Variants in LINGO2 observed in about 807,000 individuals in gnomAD.
LINGO2 encodes leucine rich repeat and Ig domain containing 2.
In LINGO2, 14 loss-of-function variants were observed where a neutral mutation model predicts 30.6. That is an observed-to-expected ratio of 0.46 (90% CI 0.30 to 0.72). The LOEUF is 0.72. Ranked by LOEUF, LINGO2 falls within the 30% of genes least tolerant of loss-of-function variation. LINGO2 has a pLI of 0.07. For synonymous variants in LINGO2, 317 were observed against 288.5 expected (o/e 1.10, Z -1.00); for missense variants, 729 against 751.7 (o/e 0.97, Z 0.35).
At chr9:28,805,692 C>A in the LINGO2 span, among the ~76,000 whole-genome samples, 2 of 152,104 alleles carry the variant, frequency 1.3e-5, no homozygotes, top group Non-Finnish European at 2.9e-5. Context: ...CTGGAAACTG[C>A]ATATCTCTAA....
intron 4 of LINGO2, among the ~76,000 whole-genome samples, chr9:28,103,365 G>T (rs1296693245): frequency 2.0e-5 from 3 of 152,064 alleles, no homozygotes; most frequent in Admixed American, 6.6e-5. Flanking sequence ...GAACTGGTTG[G>T]TCCATGGCTT....
chr9:28,158,729 C>T (rs976523603), intron 4 of LINGO2, among the ~76,000 whole-genome samples: 2 of 152,250 alleles, frequency 1.3e-5, no homozygotes, highest in Middle Eastern at 3.4e-3. Flanking sequence ...CCACTTAGTG[C>T]TCCCCTGCAT....
the LINGO2 span, among the ~76,000 whole-genome samples, chr9:29,088,082 T>C: frequency 6.6e-6 from 1 of 152,176 alleles, no homozygotes; most frequent in African/African-American, 2.4e-5. Flanking sequence ...TGTCAAATGG[T>C]TGCTGTGAGG....
At chr9:28,546,378 T>C (rs910250403) in intron 1 of LINGO2, among the ~76,000 whole-genome samples, 1 of 152,098 alleles carries the variant, frequency 6.6e-6, no homozygotes, top group Non-Finnish European at 1.5e-5. Context: ...AGATGAAGGA[T>C]AAACAGCCAT....
the LINGO2 span, among the ~76,000 whole-genome samples, chr9:28,988,399 T>C: frequency 0.92 from 140,366 of 152,182 alleles, 64,821 homozygotes; most frequent in Non-Finnish European, 0.93. Context: ...TCAACTTCTT[T>C]GCTTTCAGTC....
chr9:28,382,307 A>G (rs1821387985), intron 2 of LINGO2, among the ~76,000 whole-genome samples: 1 of 152,162 alleles, frequency 6.6e-6, no homozygotes, highest in Non-Finnish European at 1.5e-5. Flanking sequence ...CCAAATGTCT[A>G]GAATTCAGAT....
At chr9:28,669,952 A>C (rs1828949992) in intron 1 of LINGO2, among the ~76,000 whole-genome samples, 2 of 152,044 alleles carry the variant, frequency 1.3e-5, no homozygotes, top group African/African-American at 4.8e-5. Flanking sequence ...ACATATCATC[A>C]CATATATAGT....
chr9:28,014,981 A>C (rs1192756164), intron 4 of LINGO2, among the ~76,000 whole-genome samples: 1 of 152,182 alleles, frequency 6.6e-6, no homozygotes, highest in Non-Finnish European at 1.5e-5. Context: ...TGTACAAAAA[A>C]TGTGGTGATA....
chr9:28,101,334 T>C (rs1484413998), intron 4 of LINGO2, among the ~76,000 whole-genome samples: 1 of 152,088 alleles, frequency 6.6e-6, no homozygotes, highest in Non-Finnish European at 1.5e-5. Flanking sequence ...CTAAAGGCTA[T>C]GTATTTTTAC....
chr9:28,702,936 C>T, the LINGO2 span, among the ~76,000 whole-genome samples: 2 of 151,774 alleles, frequency 1.3e-5, no homozygotes, highest in Admixed American at 1.3e-4. Flanking sequence ...TAATAGTCTT[C>T]CTTTATCAAC....
At chr9:28,088,149 C>A (rs1349979926) in intron 4 of LINGO2, among the ~76,000 whole-genome samples, 2 of 151,418 alleles carry the variant, frequency 1.3e-5, no homozygotes, top group Non-Finnish European at 2.9e-5. Flanking sequence ...GATAACAATA[C>A]CTCCTGCATA....
chr9:28,994,108 T>A, the LINGO2 span, among the ~76,000 whole-genome samples: 1 of 151,888 alleles, frequency 6.6e-6, no homozygotes, highest in Non-Finnish European at 1.5e-5. Flanking sequence ...TGATTGTATA[T>A]CTAGAAAACC....
chr9:28,785,416 T>A, the LINGO2 span, among the ~76,000 whole-genome samples: 20 of 152,292 alleles, frequency 1.3e-4, no homozygotes, highest in African/African-American at 4.1e-4. Flanking sequence ...TAGCCACCCA[T>A]GATTTCTCCA....
At chr9:28,553,414 T>C (rs533574351) in intron 1 of LINGO2, among the ~76,000 whole-genome samples, 1 of 151,692 alleles carries the variant, frequency 6.6e-6, no homozygotes, top group East Asian at 1.9e-4. Context: ...GAAGATGAAA[T>C]GAATGAAATG....
chr9:29,022,032 T>C, the LINGO2 span, among the ~76,000 whole-genome samples: 3 of 152,108 alleles, frequency 2.0e-5, no homozygotes, highest in African/African-American at 7.2e-5. Flanking sequence ...CTTATATCTG[T>C]TTTATTTTTC....
At chr9:28,573,607 T>C (rs1563834876) in intron 1 of LINGO2, among the ~76,000 whole-genome samples, 1 of 152,210 alleles carries the variant, frequency 6.6e-6, no homozygotes, top group African/African-American at 2.4e-5. Flanking sequence ...GCCTTATACT[T>C]TCAAGTCTTT....
At chr9:28,025,320 T>C (rs1823325331) in intron 4 of LINGO2, among the ~76,000 whole-genome samples, 1 of 152,242 alleles carries the variant, frequency 6.6e-6, no homozygotes, top group South Asian at 2.1e-4. Context: ...TGTTGATTTG[T>C]TTTAAAGAGA....
At chr9:29,017,629 T>A in the LINGO2 span, among the ~76,000 whole-genome samples, 1 of 151,962 alleles carries the variant, frequency 6.6e-6, no homozygotes, top group African/African-American at 2.4e-5. Context: ...TTGGCATGCA[T>A]CAAGGTAGCA....
At chr9:28,786,977 C>T in the LINGO2 span, among the ~76,000 whole-genome samples, 1 of 152,242 alleles carries the variant, frequency 6.6e-6, no homozygotes, top group East Asian at 1.9e-4. Context: ...ACAATGTGTG[C>T]ATGACTCTCA....
Sources: gnomAD v4.1 joint callset for allele counts (sites outside exome capture counted in the v4.1 genomes callset) on GRCh38, gnomAD v4.1.1 for gene constraint, MANE v1.5 for transcripts, NCBI Gene and HGNC (gene_info 2026-07-23, HGNC 2026-07-21) for gene names.